CFI: variants seen among roughly 807,000 people sequenced by gnomAD.
The protein encoded by CFI is C3B/C4B inactivator.
CFI carries 66 observed loss-of-function variants against 78.8 expected under a neutral mutation model. The ratio of observed to expected loss-of-function variants is 0.84; its 90% CI spans 0.69 to 1.03. The LOEUF (loss-of-function observed/expected upper bound fraction) is 1.03. Among genes scored for constraint, CFI ranks in the 50% least tolerant of loss-of-function variants. The pLI, the probability that CFI is intolerant of heterozygous loss-of-function variation, is 0.00. For synonymous variants in CFI, 250 were observed against 232.6 expected (o/e 1.07, Z -0.68); for missense variants, 706 against 704.5 (o/e 1.00, Z -0.02).
At chr4:109,734,016 A>G in the CFI span, among the ~76,000 whole-genome samples, 11 of 152,220 alleles carry the variant, frequency 7.2e-5, no homozygotes, top group East Asian at 2.1e-3. Flanking sequence ...TAAAAAAAAT[A>G]CAAAAATTAG....
intron 7 of CFI, among the ~76,000 whole-genome samples, chr4:109,756,961 GAAAGAAAGAAAGAA>G (rs1218543861): frequency 2.5e-4 from 33 of 133,202 alleles, no homozygotes; most frequent in African/African-American, 9.0e-4. Context: ...AAGAAAGAAA[GAAAGAAAGAAAGAA>G]AGAAATTCTG....
chr4:109,747,529 A>G (rs1209478810), intron 10 of CFI, among the ~76,000 whole-genome samples: 1 of 152,176 alleles, frequency 6.6e-6, no homozygotes, highest in Non-Finnish European at 1.5e-5. Flanking sequence ...AACAGTATAG[A>G]GTCACTTCGG....
chr4:109,781,494 A>T (rs571016585), intron 1 of CFI, among the ~76,000 whole-genome samples: 1 of 152,298 alleles, frequency 6.6e-6, no homozygotes, highest in Non-Finnish European at 1.5e-5. Context: ...AATAACAATC[A>T]GCCATATTGA....
At chr4:109,736,431 G>T (rs1723373646), downstream of CFI, among the ~76,000 whole-genome samples, 1 of 151,254 alleles carries the variant, frequency 6.6e-6, no homozygotes, top group African/African-American at 2.4e-5. Flanking sequence ...TTAAGTTAAA[G>T]AGAAATAAGT....
intron 11 of CFI, among the ~76,000 whole-genome samples, 181 bp downstream of exon 11, chr4:109,746,041 C>T (rs1724369456): frequency 6.6e-6 from 1 of 152,202 alleles, no homozygotes; most frequent in Admixed American, 6.5e-5. Flanking sequence ...GCCTTCTGAG[C>T]ATGGGGTGCT....
intron 1 of CFI, among the ~76,000 whole-genome samples, chr4:109,791,537 T>C (rs1370790319): frequency 6.6e-6 from 1 of 152,230 alleles, no homozygotes; most frequent in Non-Finnish European, 1.5e-5. Flanking sequence ...CAGAATAGTA[T>C]TGCCTAGGTT....
chr4:109,792,598 C>T (rs1731523664), intron 1 of CFI, among the ~76,000 whole-genome samples: 1 of 151,848 alleles, frequency 6.6e-6, no homozygotes, highest in Non-Finnish European at 1.5e-5. Flanking sequence ...CCCCCCAAAA[C>T]AAGAATTGTC....
rs750346105 is a variant in CFI, at chr4:109,783,811, T to TAATATATATATATATATA, written c.58-16988_58-16987insTATATATATATATATATT. Among the ~76,000 whole-genome samples the TAATATATATATATATATA allele has an allele frequency of 5.6e-4, 59 of 105,816 alleles. 4 individuals carry two copies. The highest frequency in any genetic ancestry group is 1.4e-3 in the African/African-American group (36 of 26,548). 69.4% of individuals were successfully genotyped at this position (105,816 alleles called of 152,430 possible). Reference sequence around the variant, plus strand: ...ATTCAATGAGTGGATAAAGAAACTGTGATATATATATATATATATATATGA... The same window carrying TAATATATATATATATATA: ...ATTCAATGAGTGGATAAAGAAACTGTAATATATATATATATATAGATATATATATATATATATATATGA... On this transcript the variant is annotated intron_variant, in intron 1 of 12. Transcript: ENST00000394634.
chr4:109,773,431 G>A lies in CFI; in HGVS notation c.58-6607C>T, dbSNP rs192185156. On this transcript the variant is annotated intron_variant, in intron 1 of 12. Transcript: ENST00000394634. Reference sequence around the variant, plus strand: ...CTCAGGAGGCTGAGGCAGGAGAATCGCTTGAACCTGGGAGGCAGAGGTTGC... The same window carrying A: ...CTCAGGAGGCTGAGGCAGGAGAATCACTTGAACCTGGGAGGCAGAGGTTGC... Among the ~76,000 whole-genome samples the A allele has an allele frequency of 2.6e-5, 4 of 152,226 alleles. No homozygotes were observed. The East Asian group carries it at 5.8e-4, about 22-fold the overall frequency.
intron 7 of CFI, among the ~76,000 whole-genome samples, chr4:109,752,946 T>TA (rs1367469331): frequency 0.069 from 4,990 of 72,434 alleles, 1,669 homozygotes; most frequent in Admixed American, 0.093. Context: ...AAATAAATAT[T>TA]TATAATACAT....
intron 1 of CFI, among the ~76,000 whole-genome samples, chr4:109,792,587 C>T (rs186965811): frequency 6.6e-6 from 1 of 151,780 alleles, no homozygotes; most frequent in Admixed American, 6.6e-5. Context: ...ACAAACCCAC[C>T]CCCCCCAAAA....
chr4:109,753,527 T>TTATATA (rs1725624648), intron 7 of CFI, among the ~76,000 whole-genome samples: 1 of 24,664 alleles, frequency 4.1e-5, no homozygotes, highest in African/African-American at 1.2e-4. Flanking sequence ...TAAATATTTA[T>TTATATA]AATAAATATT....
intron 10 of CFI, among the ~76,000 whole-genome samples, chr4:109,748,373 C>T (rs1430120370): frequency 6.6e-6 from 1 of 152,046 alleles, no homozygotes; most frequent in African/African-American, 2.4e-5. Flanking sequence ...ATGGAGTTCA[C>T]GATCTAGGGA....
chr4:109,754,617 G>A (rs1345003983), intron 7 of CFI, among the ~76,000 whole-genome samples: 1 of 152,060 alleles, frequency 6.6e-6, no homozygotes, highest in Non-Finnish European at 1.5e-5. Context: ...CAGAATGGCA[G>A]CGTCACTTTG....
chr4:109,739,235 G>A (rs754973139), downstream of CFI, among the ~76,000 whole-genome samples: 5 of 151,460 alleles, frequency 3.3e-5, no homozygotes, highest in African/African-American at 4.9e-5. Context: ...GAATATTTAT[G>A]TGAAACATAT....
chr4:109,760,188 A>G (rs774605716), intron 6 of CFI, 82 bp downstream of exon 6: 2 of 932,400 alleles, frequency 2.1e-6, no homozygotes, highest in South Asian at 1.3e-5. Context: ...TGTTCCCCTT[A>G]AGATTATACT....
intron 3 of CFI, among the ~76,000 whole-genome samples, chr4:109,763,113 G>T (rs531215252): frequency 6.6e-6 from 1 of 152,240 alleles, no homozygotes; most frequent in South Asian, 2.1e-4. Context: ...AAACCAAGAA[G>T]TTGGTAAACA....
At chr4:109,789,718 C>CT (rs1731150016) in intron 1 of CFI, among the ~76,000 whole-genome samples, 1 of 151,954 alleles carries the variant, frequency 6.6e-6, no homozygotes, top group African/African-American at 2.4e-5. Context: ...ATTAAGGATA[C>CT]TGGAAATCTT....
intron 4 of CFI, 132 bp from the exon 5 acceptor site, chr4:109,760,768 T>C: frequency 1.4e-6 from 1 of 693,856 alleles, no homozygotes; most frequent in Non-Finnish European, 2.6e-6. Flanking sequence ...CGTATTGGTA[T>C]TATCAACATA....
Sources: allele counts gnomAD v4.1 joint callset (sites outside exome capture counted in the v4.1 genomes callset), GRCh38; gene constraint gnomAD v4.1.1; transcripts MANE v1.5; gene names NCBI Gene and HGNC (gene_info 2026-07-23, HGNC 2026-07-21).